NRG2: variants seen among roughly 807,000 people sequenced by gnomAD.
NRG2 encodes the protein pro-neuregulin-2, membrane-bound isoform.
A neutral mutation model predicts 73.9 loss-of-function variants in NRG2; 27 were observed. That is an observed-to-expected ratio of 0.37 (90% CI 0.27 to 0.50). The LOEUF (loss-of-function observed/expected upper bound fraction) is 0.50, where lower values mean the gene tolerates loss of function less well. Ranked by LOEUF, NRG2 falls within the 20% of genes least tolerant of loss-of-function variation. The pLI, the probability that NRG2 is intolerant of heterozygous loss-of-function variation, is 0.96. For synonymous variants in NRG2, 532 were observed against 541.0 expected, an observed-to-expected ratio of 0.98 and a Z score of 0.23; for missense variants, 1,126 against 1,210.1, an observed-to-expected ratio of 0.93 and a Z score of 1.03.
chr5:140,023,074 C>G (rs575714944), intron 1 of NRG2, among the ~76,000 whole-genome samples: 2 of 152,214 alleles, frequency 1.3e-5, no homozygotes, highest in Non-Finnish European at 2.9e-5. Flanking sequence ...ACATGCACCT[C>G]TACCCAACTC....
intron 1 of NRG2, among the ~76,000 whole-genome samples, chr5:139,929,929 T>C (rs1022787366): frequency 1.3e-5 from 2 of 152,174 alleles, no homozygotes; most frequent in African/African-American, 4.8e-5. Flanking sequence ...CCAAATAGGA[T>C]AGCATCCCCC....
chr5:139,947,182 C>T (rs186323660), intron 1 of NRG2, among the ~76,000 whole-genome samples: 240 of 152,256 alleles, frequency 1.6e-3, no homozygotes, highest in Middle Eastern at 3.4e-3. Context: ...ACCATGACTA[C>T]AATCAATTTT....
chr5:139,868,058 C>G lies in NRG2; in HGVS notation c.1113-2433G>C, dbSNP rs942115354. On this transcript the variant is annotated intron_variant, in intron 4 of 9. Transcript: ENST00000361474. The surrounding 1 kb of genome is among the most constrained non-coding windows in gnomAD (Gnocchi z 4.2). ...CCGCTGAGTTGCACAACATTATGGT[C>G]CTAACCTTCCTTCCTTGAGAAAATG... Among the ~76,000 whole-genome samples the G allele has an allele frequency of 6.6e-6, 1 of 152,032 alleles. No homozygotes were observed. The highest frequency in any genetic ancestry group is 2.4e-5 in the African/African-American group (1 of 41,360).
At chr5:139,955,698 T>C (rs1463509507) in intron 1 of NRG2, among the ~76,000 whole-genome samples, 2 of 152,108 alleles carry the variant, frequency 1.3e-5, no homozygotes, top group African/African-American at 4.8e-5. Context: ...TAAGTAGATA[T>C]CTATTGGGTG....
intron 1 of NRG2, among the ~76,000 whole-genome samples, chr5:139,913,471 C>T (rs1751006466): frequency 6.6e-6 from 1 of 152,170 alleles, no homozygotes; most frequent in Non-Finnish European, 1.5e-5. Flanking sequence ...CCACAATTTC[C>T]CCCTAAATTA....
intron 5 of NRG2, among the ~76,000 whole-genome samples, chr5:139,861,567 A>G (rs1321471334): frequency 6.6e-6 from 1 of 152,230 alleles, no homozygotes; most frequent in Non-Finnish European, 1.5e-5. Context: ...GCTTTTCCAG[A>G]CACAAGCCAT....
At chr5:139,965,042 G>A (rs1755387293) in intron 1 of NRG2, among the ~76,000 whole-genome samples, 1 of 152,210 alleles carries the variant, frequency 6.6e-6, no homozygotes, top group Admixed American at 6.5e-5. Context: ...TTTTTTGTTG[G>A]TGGCAGTAGA....
chr5:139,852,317 T>C lies in NRG2; in HGVS notation c.1544+115A>G. ...GGAGGCTAAGGTGTGCTGTGATTCC[T>C]GTGGCAAGCTCAGGGGAGGGTATTG... On this transcript the variant is annotated intron_variant, in intron 8 of 9. Coordinates refer to ENST00000361474, the MANE Select transcript of NRG2 (RefSeq NM_004883.3). This position sits in a 1 kb window ranked among gnomAD's most constrained non-coding sequence, Gnocchi z 4.4. 1.5e-6 allele frequency: 2 copies of C among 1,330,040 alleles called. No individual in the cohort carries two copies. The highest frequency in any genetic ancestry group is 2.1e-6 in the Non-Finnish European group (2 of 972,958). The allele number at this position is 1,330,040 out of a possible 1,614,324, so 82.4% of individuals were successfully genotyped here. A position where few individuals can be genotyped will look rare whatever the true frequency, so the allele number is the denominator to read the frequency against.
intron 6 of NRG2, among the ~76,000 whole-genome samples, chr5:139,855,011 C>T (rs1209233291): frequency 6.6e-6 from 1 of 152,152 alleles, no homozygotes; most frequent in Non-Finnish European, 1.5e-5. Context: ...ACAGTTGACC[C>T]TCATCTGTGC....
At chr5:140,007,120 G>A (rs1220128615) in intron 1 of NRG2, among the ~76,000 whole-genome samples, 1 of 152,122 alleles carries the variant, frequency 6.6e-6, no homozygotes, top group East Asian at 1.9e-4. Flanking sequence ...GGCCAAGGAT[G>A]CTACTAAATA....
chr5:139,936,605 C>A (rs1752869746), intron 1 of NRG2, among the ~76,000 whole-genome samples: 1 of 152,102 alleles, frequency 6.6e-6, no homozygotes, highest in African/African-American at 2.4e-5. Flanking sequence ...AAATTCTATG[C>A]AAACTACTGC....
rs1452892855 is a variant in NRG2 at position 139,861,721 on chromosome 5, T to A, written c.1189+3828A>T. The A allele has an allele frequency of 7.7e-6, 4 of 516,582 alleles. No homozygotes were observed. In the East Asian group the frequency reaches 2.2e-4, roughly 28 times the overall value. The allele number at this position is 516,582 out of a possible 1,614,324, so 32.0% of individuals were successfully genotyped here. ...CCTCTCCAGGGTGTCCCAGGGCTGG[T>A]CAGGCGTGCTGAGTAGACAGTACAA... On this transcript the variant is annotated intron_variant, in intron 5 of 9. Transcript: ENST00000361474.
intron 1 of NRG2, among the ~76,000 whole-genome samples, chr5:139,951,296 G>A (rs932103973): frequency 5.3e-5 from 8 of 152,230 alleles, no homozygotes; most frequent in African/African-American, 1.9e-4. Flanking sequence ...TGTCTTGGGT[G>A]TCTATGTCTC....
chr5:139,905,091 G>T (rs1043832533), intron 1 of NRG2, among the ~76,000 whole-genome samples: 2 of 152,184 alleles, frequency 1.3e-5, no homozygotes, highest in African/African-American at 4.8e-5. Flanking sequence ...GGGAACCTGG[G>T]TGCCCCAGGT....
At chr5:140,019,300 T>C (rs937535683) in intron 1 of NRG2, among the ~76,000 whole-genome samples, 1 of 152,310 alleles carries the variant, frequency 6.6e-6, no homozygotes, top group African/African-American at 2.4e-5. Context: ...CAAGGGGGCC[T>C]TGGTCACTCC....
rs1401810784 is a variant in NRG2 at position 139,863,879 on chromosome 5, GC to G, written c.1189+1669del. On this transcript the variant is annotated intron_variant, in intron 5 of 9. Coordinates refer to ENST00000361474, the MANE Select transcript of NRG2 (RefSeq NM_004883.3). ...GCTCCCATCCCCCAGGGGTCTCTAT[GC>G]CCCTGTGGGGTTGGGGTGGGGAGTA... Among the ~76,000 whole-genome samples, 5 of 152,336 alleles carry G rather than the reference GC, an allele frequency of 3.3e-5. No individual in the cohort carries two copies. In the East Asian group the frequency reaches 9.7e-4, roughly 29 times the overall value.
In NRG2 at chr5:139,851,214, C is replaced by T. The variant is rs938923042; in HGVS notation, c.1772+390G>A. On this transcript the variant is annotated intron_variant, in intron 9 of 9. Transcript: ENST00000361474. The surrounding 1 kb of genome is among the most constrained non-coding windows in gnomAD (Gnocchi z 4.2). ...TGTTGGCCAGACTAGTCTCAAACTC[C>T]TGACCTCAGGTGATCCATCCGCCTT... Among the ~76,000 whole-genome samples, 4 of 152,170 alleles carry T rather than the reference C, an allele frequency of 2.6e-5. No homozygotes were observed. The highest frequency in any genetic ancestry group is 9.7e-5 in the African/African-American group (4 of 41,450).
intron 1 of NRG2, among the ~76,000 whole-genome samples, chr5:139,940,893 C>T (rs1324781528): frequency 1.3e-5 from 2 of 152,052 alleles, no homozygotes; most frequent in South Asian, 2.1e-4. Flanking sequence ...GGAAGTTCAT[C>T]AGGAAGGGTA....
In NRG2 at chr5:139,853,062, C is replaced by A; in HGVS notation, c.1293-35G>T. The A allele has an allele frequency of 6.2e-7, 1 of 1,610,828 alleles. No homozygotes were observed. Among genetic ancestry groups the A allele is most frequent in the Non-Finnish European group, 8.5e-7 (1 of 1,178,912 alleles). ...GGAAGGGAAGGTGAGGCTGGCATTC[C>A]CCCCACTCGCCAACGATGAACTTCC... On this transcript the variant is annotated intron_variant, in intron 6 of 9. Coordinates refer to ENST00000361474, the MANE Select transcript of NRG2 (RefSeq NM_004883.3). This position sits in a 1 kb window ranked among gnomAD's most constrained non-coding sequence, Gnocchi z 4.1.
Sources: allele counts gnomAD v4.1 joint callset (sites outside exome capture counted in the v4.1 genomes callset), GRCh38; gene constraint gnomAD v4.1.1; non-coding constraint Gnocchi (gnomAD v3.1); transcripts MANE v1.5; gene names NCBI Gene and HGNC (gene_info 2026-07-23, HGNC 2026-07-21).